ANK3: variants seen among roughly 807,000 people sequenced by gnomAD.
ANK3 encodes the protein ankyrin 3.
ANK3 carries 57 observed loss-of-function variants against 370.9 expected under a neutral mutation model. The ratio of observed to expected loss-of-function variants is 0.15; its 90% CI spans 0.12 to 0.19. ANK3 has a LOEUF of 0.19. ANK3 is among the 10% of genes least tolerant of loss of function. ANK3 has a pLI of 1.00. For synonymous variants in ANK3, 1,929 were observed against 1,946.3 expected (o/e 0.99, Z 0.23); for missense variants, 4,439 against 5,302.1 (o/e 0.84, Z 5.06).
chr10:60,543,070 A>G (rs2076885674), intron 2 of ANK3, among the ~76,000 whole-genome samples: 1 of 152,006 alleles, frequency 6.6e-6, no homozygotes, highest in Non-Finnish European at 1.5e-5. Flanking sequence ...TATTACTTAG[A>G]ATCTCATGAA....
intron 2 of ANK3, among the ~76,000 whole-genome samples, chr10:60,498,466 G>A (rs2075715270): frequency 6.6e-6 from 1 of 152,006 alleles, no homozygotes; most frequent in African/African-American, 2.4e-5. Flanking sequence ...ACAGCTCACT[G>A]CAGCCTTGAC....
At chr10:60,707,022 T>G (rs2079629914) in intron 1 of ANK3, among the ~76,000 whole-genome samples, 1 of 152,174 alleles carries the variant, frequency 6.6e-6, no homozygotes, top group South Asian at 2.1e-4. Context: ...AATATATAAA[T>G]GTATGTTTAT....
chr10:60,112,144 T>C (rs1158464161), intron 26 of ANK3, among the ~76,000 whole-genome samples: 1 of 152,206 alleles, frequency 6.6e-6, no homozygotes, highest in Non-Finnish European at 1.5e-5. Flanking sequence ...TATGGGAAAG[T>C]TCATTTCTGA....
At chr10:60,588,847 C>T (rs1385275456) in intron 2 of ANK3, among the ~76,000 whole-genome samples, 3 of 152,104 alleles carry the variant, frequency 2.0e-5, no homozygotes, top group Non-Finnish European at 2.9e-5. Flanking sequence ...GATGTTGAGG[C>T]TGCAGTGAGC....
intron 1 of ANK3, among the ~76,000 whole-genome samples, chr10:60,646,104 T>C (rs948082090): frequency 6.6e-6 from 1 of 151,908 alleles, no homozygotes; most frequent in African/African-American, 2.4e-5. Context: ...CAGGCAAAGA[T>C]TACAACATGT....
At chr10:60,565,584 T>C (rs995077170) in intron 2 of ANK3, among the ~76,000 whole-genome samples, 4 of 152,244 alleles carry the variant, frequency 2.6e-5, no homozygotes, top group Admixed American at 2.6e-4. Flanking sequence ...TTCTTCTTTA[T>C]TGTATCTTGC....
Position 60,263,780 on chromosome 10 carries a change from T to C in ANK3, c.699+55A>G, listed in dbSNP as rs755575796. On this transcript the variant is annotated intron_variant, in intron 6 of 43. Transcript: ENST00000280772. ...GAGGGAGACCGGGTGCTCTTAAAGG[T>C]TGTGTGTCTAACACCGGAGAGTTGC... 3.0e-4 allele frequency: 487 copies of C among 1,602,508 alleles called. 1 individual carries two copies. Among genetic ancestry groups the C allele is most frequent in the Non-Finnish European group, 4.0e-4 (472 of 1,171,856 alleles).
At chr10:60,303,978 G>A (rs2044401834) in intron 1 of ANK3, among the ~76,000 whole-genome samples, 1 of 151,940 alleles carries the variant, frequency 6.6e-6, no homozygotes, top group Non-Finnish European at 1.5e-5. Flanking sequence ...GATGAACATG[G>A]AGGACATTAT....
chr10:60,359,448 C>T (rs2393625), intron 1 of ANK3, among the ~76,000 whole-genome samples: 110,645 of 151,978 alleles, frequency 0.73, 40,780 homozygotes, highest in South Asian at 0.91. Context: ...TAACATCTTT[C>T]CAATTCACAC....
In ANK3 at chr10:60,196,155, G is replaced by A; in HGVS notation, c.1877C>T (p.Ala626Val). The part of the protein sequence containing the change: ...LLLDQGASPH[A>V]AAKNGYTPLH... Reference sequence around the variant, plus strand: ...TGGAATTATAGGTACCTTTGCGGCTGCGTGAGGTGAGGCTCCTTGGTCCAA... The same window carrying A: ...TGGAATTATAGGTACCTTTGCGGCTACGTGAGGTGAGGCTCCTTGGTCCAA... The change falls in exon 16 of 44, where the codon GCA (alanine) becomes GTA (valine). Residue 626 changes from alanine to valine, a missense_variant. Ala to Val is a moderately conservative substitution (Grantham distance 64, BLOSUM62 0). Transcript: ENST00000280772. The A allele has an allele frequency of 6.2e-7, 1 of 1,613,804 alleles. No individual in the cohort carries two copies.
At chr10:60,404,702 C>A (rs1443654935) in intron 2 of ANK3, among the ~76,000 whole-genome samples, 1 of 151,784 alleles carries the variant, frequency 6.6e-6, no homozygotes, top group African/African-American at 2.4e-5. Flanking sequence ...ATAGTAGTTA[C>A]AAAATTTAAA....
At chr10:60,604,300 C>T (rs1396062888) in intron 2 of ANK3, among the ~76,000 whole-genome samples, 2 of 152,132 alleles carry the variant, frequency 1.3e-5, no homozygotes, top group South Asian at 2.1e-4. Context: ...CTTTTATTTG[C>T]TTCAAGGTCT....
intron 2 of ANK3, among the ~76,000 whole-genome samples, chr10:60,482,842 A>C (rs1158832728): frequency 6.6e-6 from 1 of 152,204 alleles, no homozygotes; most frequent in Non-Finnish European, 1.5e-5. Flanking sequence ...AAGCAAAAAG[A>C]CTTAAGATTT....
chr10:60,331,204 G>A (rs1437860618), intron 1 of ANK3, among the ~76,000 whole-genome samples: 5 of 152,052 alleles, frequency 3.3e-5, no homozygotes, highest in African/African-American at 1.2e-4. Context: ...ACCATGGCAT[G>A]TGTATACCTA....
rs57240182 is a variant in ANK3, at chr10:60,638,028, A to G, written c.58-22804T>C. Among the ~76,000 whole-genome samples the G allele has an allele frequency of 2.0e-3, 307 of 152,310 alleles. 1 individual carries two copies. The highest frequency in any genetic ancestry group is 7.0e-3 in the African/African-American group (291 of 41,572). ...CAGTGCTGGAAGGAAGAACCCCAAC[A>G]TAGTGCAACAGTCGGAAATAATTCC... On this transcript the variant is annotated intron_variant, in intron 1 of 43. Transcript: ENST00000373827.
chr10:60,655,674 C>T (rs2078854088), intron 1 of ANK3, among the ~76,000 whole-genome samples: 2 of 151,738 alleles, frequency 1.3e-5, no homozygotes, highest in South Asian at 4.2e-4. Context: ...TTAGTGTAGC[C>T]TAAGTGTACA....
chr10:60,635,583 T>C (rs975146597), intron 1 of ANK3, among the ~76,000 whole-genome samples: 1 of 152,130 alleles, frequency 6.6e-6, no homozygotes, highest in South Asian at 2.1e-4. Flanking sequence ...ACCTCTATAC[T>C]AGTAAAATCC....
intron 1 of ANK3, among the ~76,000 whole-genome samples, chr10:60,709,600 G>A (rs2079672173): frequency 6.6e-6 from 1 of 152,012 alleles, no homozygotes; most frequent in South Asian, 2.1e-4. Flanking sequence ...TGAAGCAGGA[G>A]GATCCCTTGA....
intron 1 of ANK3, among the ~76,000 whole-genome samples, chr10:60,323,116 A>G (rs1367962371): frequency 1.3e-5 from 2 of 152,164 alleles, no homozygotes; most frequent in African/African-American, 4.8e-5. Context: ...TTGAAGTGAG[A>G]TGGGTAAGAA....
Sources: allele counts gnomAD v4.1 joint callset (sites outside exome capture counted in the v4.1 genomes callset), GRCh38; gene constraint gnomAD v4.1.1; transcripts MANE v1.5; gene names NCBI Gene and HGNC (gene_info 2026-07-23, HGNC 2026-07-21).